The following RASA2 variants were observed in gnomAD, a reference collection of about 807,000 sequenced individuals.
RASA2 encodes the protein RAS p21 protein activator 2.
In RASA2, 155 loss-of-function variants were observed where a neutral mutation model predicts 118.2. That is an observed-to-expected ratio of 1.31 (90% CI 1.15 to 1.50). RASA2 has a LOEUF of 1.50. Ranked by LOEUF, RASA2 falls within the 40% of genes most tolerant of loss-of-function variation. The probability of loss-of-function intolerance (pLI) is 0.00; values close to 1 mark genes in which losing one functional copy is unlikely to be tolerated. For missense variants in RASA2, 1,016 were observed against 1,009.6 expected (o/e 1.01, Z -0.09); for synonymous variants, 353 against 349.1 (o/e 1.01, Z -0.12).
chr3:141,587,713 C>CAAAAA (rs1156964232), intron 19 of RASA2, among the ~76,000 whole-genome samples: 1 of 55,832 alleles, frequency 1.8e-5, no homozygotes. Flanking sequence ...GACTCCATCT[C>CAAAAA]AAAAAAAAAA....
chr3:141,573,852 TA>T, intron 13 of RASA2, 91 bp from the exon 14 acceptor site: 2 of 1,147,396 alleles, frequency 1.7e-6, no homozygotes, highest in Non-Finnish European at 2.3e-6. Context: ...GACTGTCTAA[TA>T]AACCTCATTT....
rs1366120741 is a variant in RASA2 at position 141,487,031 on chromosome 3, C to A, written c.-53C>A. 3.5e-6 allele frequency: 4 copies of A among 1,142,388 alleles called. No individual in the cohort carries two copies. Among genetic ancestry groups the A allele is most frequent in the Non-Finnish European group, 4.3e-6 (4 of 929,266 alleles). The allele number at this position is 1,142,388 out of a possible 1,614,324, so 70.8% of individuals were successfully genotyped here. A position where few individuals can be genotyped will look rare whatever the true frequency, so the allele number is the denominator to read the frequency against. The stretch of plus-strand genomic sequence containing the variant: ...CTGGGCCTAGGCCGCTGCTGGGCTC[C>A]GCCTCGCCCGGCTACGCAGGCGGCA... On this transcript the variant is annotated 5_prime_UTR_variant, in exon 1 of 24. Coordinates refer to ENST00000286364, the MANE Select transcript of RASA2 (RefSeq NM_006506.5).
chr3:141,581,481 C>T (rs1218987001), intron 17 of RASA2, among the ~76,000 whole-genome samples: 1 of 152,148 alleles, frequency 6.6e-6, no homozygotes, highest in Admixed American at 6.5e-5. Context: ...ATTCTTGATT[C>T]TGAGGGGCTG....
chr3:141,584,348 A>G (rs2107774220), intron 17 of RASA2, among the ~76,000 whole-genome samples: 2 of 150,540 alleles, frequency 1.3e-5, no homozygotes, highest in African/African-American at 4.9e-5. Flanking sequence ...AAAAAAAAAA[A>G]AAAAAAAGAA....
chr3:141,501,811 A>C (rs72990334), intron 1 of RASA2, among the ~76,000 whole-genome samples: 3,674 of 152,198 alleles, frequency 0.024, 158 homozygotes, highest in African/African-American at 0.083. Context: ...TCAATACCAG[A>C]GACTATATCA....
At chr3:141,491,592 T>C (rs1055113721) in intron 1 of RASA2, among the ~76,000 whole-genome samples, 7 of 152,190 alleles carry the variant, frequency 4.6e-5, no homozygotes, top group Admixed American at 1.3e-4. Flanking sequence ...TTATAAATTA[T>C]ATACCTAAAA....
Position 141,529,793 on chromosome 3 carries a change from A to G in RASA2, c.441A>G (p.Ser147=). The G allele has an allele frequency of 1.2e-6, 2 of 1,602,992 alleles. No homozygotes were observed. Among genetic ancestry groups the G allele is most frequent in the Non-Finnish European group, 1.7e-6 (2 of 1,170,438 alleles). ...CATTACAGCCTGTTGACTCCAATTCAGAGGTTCAGGTAAATATTAAGGCTT... is the reference window on the plus strand; with the variant it reads ...CATTACAGCCTGTTGACTCCAATTCGGAGGTTCAGGTAAATATTAAGGCTT... The part of the protein sequence containing the change: ...WFSLQPVDSN[S]EVQGKVHLEL... Residue 147 remains serine (S), a synonymous_variant, in exon 4 of 24, where the codon TCA becomes TCG. Transcript: ENST00000286364.
chr3:141,609,650 A>C (rs753095087), intron 22 of RASA2, 127 bp downstream of exon 22: 388 of 874,744 alleles, frequency 4.4e-4, no homozygotes, highest in Non-Finnish European at 5.5e-4. Flanking sequence ...TTGAAAGTTG[A>C]CAAACCCACA....
At chr3:141,592,415 A>G (rs2083299513) in intron 19 of RASA2, among the ~76,000 whole-genome samples, 1 of 152,258 alleles carries the variant, frequency 6.6e-6, no homozygotes. Flanking sequence ...AACTAAGATC[A>G]AAAAGATCAT....
intron 5 of RASA2, among the ~76,000 whole-genome samples, chr3:141,546,968 T>C (rs1305118708): frequency 6.6e-6 from 1 of 152,182 alleles, no homozygotes; most frequent in African/African-American, 2.4e-5. Flanking sequence ...CTTTCCCCAG[T>C]GTATGTTCTT....
At chr3:141,538,294 C>G (rs2082357890) in intron 4 of RASA2, among the ~76,000 whole-genome samples, 1 of 151,974 alleles carries the variant, frequency 6.6e-6, no homozygotes, top group Admixed American at 6.6e-5. Flanking sequence ...TTTTTCTTTA[C>G]TAAGAACAAC....
chr3:141,513,404 G>A (rs2151081903), intron 2 of RASA2, among the ~76,000 whole-genome samples: 1 of 152,040 alleles, frequency 6.6e-6, no homozygotes, highest in African/African-American at 2.4e-5. Flanking sequence ...TTCTCATATT[G>A]TTCTTATTTG....
intron 1 of RASA2, among the ~76,000 whole-genome samples, chr3:141,509,279 A>C (rs527536953): frequency 6.6e-6 from 1 of 152,336 alleles, no homozygotes; most frequent in African/African-American, 2.4e-5. Flanking sequence ...TATGACATAG[A>C]TCTTACATTT....
intron 20 of RASA2, 122 bp from the exon 21 acceptor site, chr3:141,608,367 C>T: frequency 1.1e-6 from 1 of 873,914 alleles, no homozygotes; most frequent in East Asian, 2.6e-5. Context: ...ATTTCTAAGA[C>T]ATCTTAGCAC....
chr3:141,612,201 A>G (rs1258627526), intron 23 of RASA2, 82 bp from the exon 24 acceptor site: 5 of 1,075,888 alleles, frequency 4.6e-6, no homozygotes, highest in Non-Finnish European at 6.8e-6. Flanking sequence ...AAAATTCTAA[A>G]TACTTAATGG....
At chr3:141,546,845 C>A (rs2082493486) in intron 5 of RASA2, among the ~76,000 whole-genome samples, 1 of 152,112 alleles carries the variant, frequency 6.6e-6, no homozygotes, top group Non-Finnish European at 1.5e-5. Flanking sequence ...AGATTTAAGC[C>A]TTTAATCCAT....
At chr3:141,591,102 T>G (rs1268155613) in intron 19 of RASA2, among the ~76,000 whole-genome samples, 1 of 152,204 alleles carries the variant, frequency 6.6e-6, no homozygotes, top group Non-Finnish European at 1.5e-5. Flanking sequence ...GTTCTCTTAG[T>G]TATATGCGGA....
chr3:141,591,099 T>G (rs771599634), intron 19 of RASA2, among the ~76,000 whole-genome samples: 2 of 152,196 alleles, frequency 1.3e-5, no homozygotes, highest in African/African-American at 2.4e-5. Context: ...AAAGTTCTCT[T>G]AGTTATATGC....
chr3:141,601,286 G>A (rs976991223), intron 19 of RASA2, among the ~76,000 whole-genome samples: 1 of 152,086 alleles, frequency 6.6e-6, no homozygotes, highest in African/African-American at 2.4e-5. Context: ...AATTAGCTGT[G>A]CATGGTGGCC....
Sources: gnomAD v4.1 joint callset for allele counts (sites outside exome capture counted in the v4.1 genomes callset) on GRCh38, gnomAD v4.1.1 for gene constraint, MANE v1.5 for transcripts, NCBI Gene and HGNC (gene_info 2026-07-23, HGNC 2026-07-21) for gene names.